ADAMTS9: variants seen among roughly 807,000 people sequenced by gnomAD.
ADAMTS9 encodes ADAM metallopeptidase with thrombospondin type 1 motif 9, also known as A disintegrin and metalloproteinase with thrombospondin motifs 9.
A neutral mutation model predicts 257.1 loss-of-function variants in ADAMTS9; 107 were observed. The ratio of observed to expected loss-of-function variants is 0.42; its 90% CI spans 0.36 to 0.49. The LOEUF (loss-of-function observed/expected upper bound fraction) is 0.49. Ranked by LOEUF, ADAMTS9 falls within the 20% of genes least tolerant of loss-of-function variation. The pLI is 0.03. For synonymous variants in ADAMTS9, 982 were observed against 880.9 expected (o/e 1.11, Z -2.03); for missense variants, 2,353 against 2,469.1 (o/e 0.95, Z 1.00).
Position 64,602,150 on chromosome 3 carries a change from G to C in ADAMTS9, c.3811C>G (p.His1271Asp). The C allele has an allele frequency of 1.9e-6, 3 of 1,614,078 alleles. No individual in the cohort carries two copies. Among genetic ancestry groups the C allele is most frequent in the Non-Finnish European group, 2.5e-6 (3 of 1,179,994 alleles). Residue 1271 changes from histidine to aspartate, a missense_variant, in exon 26 of 40, where the codon CAC (histidine) becomes GAC (aspartate). Physicochemically the swap from His to Asp is moderately conservative, Grantham distance 81. Transcript: ENST00000498707. ...RQVMCVNYSD[H>D]VIDRSECDQD... ...TCACACTCACTCCGATCGATCACGT[G>C]GTCACTGTAGTTGACACACATCACT... is the stretch of plus-strand genomic sequence containing the variant.
intron 11 of ADAMTS9, among the ~76,000 whole-genome samples, chr3:64,642,856 A>G (rs1327726376): frequency 6.6e-6 from 1 of 152,176 alleles, no homozygotes; most frequent in Non-Finnish European, 1.5e-5. Context: ...CACAGCCACC[A>G]AGAGGGGAGA....
intron 12 of ADAMTS9, among the ~76,000 whole-genome samples, chr3:64,638,863 T>C (rs1354798085): frequency 2.0e-5 from 3 of 151,700 alleles, no homozygotes; most frequent in East Asian, 3.9e-4. Context: ...ATCAGATAAA[T>C]ATTGTGAAAA....
intron 38 of ADAMTS9, among the ~76,000 whole-genome samples, chr3:64,523,378 T>C (rs953726961): frequency 1.3e-5 from 2 of 152,096 alleles, no homozygotes; most frequent in Admixed American, 1.3e-4. Context: ...TTAGACTCTA[T>C]GAAGAGTCTA....
chr3:64,609,767 A>C (rs2084631391), intron 22 of ADAMTS9, among the ~76,000 whole-genome samples: 1 of 152,216 alleles, frequency 6.6e-6, no homozygotes, highest in African/African-American at 2.4e-5. Flanking sequence ...TTTTGCAGAA[A>C]TGAAAAAGCG....
At chr3:64,545,277 T>C (rs2083182328) in intron 32 of ADAMTS9, among the ~76,000 whole-genome samples, 1 of 152,216 alleles carries the variant, frequency 6.6e-6, no homozygotes, top group African/African-American at 2.4e-5. Context: ...CAAAGGATTA[T>C]AAATCATGCT....
chr3:64,597,113 C>T, intron 26 of ADAMTS9, 122 bp from the exon 27 acceptor site: 2 of 1,344,672 alleles, frequency 1.5e-6, no homozygotes, highest in South Asian at 2.8e-5. Context: ...CCACGAAGGA[C>T]AAAAAGCAAT....
chr3:64,561,747 G>T lies in ADAMTS9; in HGVS notation c.4529C>A (p.Ser1510Tyr). 6.6e-7 allele frequency: 1 copy of T among 1,504,130 alleles called. No homozygotes were observed. The highest frequency in any genetic ancestry group is 9.0e-7 in the Non-Finnish European group (1 of 1,116,012). The allele number at this position is 1,504,130 out of a possible 1,614,324, so 93.2% of individuals were successfully genotyped here. A position where few individuals can be genotyped will look rare whatever the true frequency, so the allele number is the denominator to read the frequency against. Residue 1510 changes from serine to tyrosine, a missense_variant, in exon 30 of 40, where the codon TCT becomes TAT. Ser to Tyr is a moderately radical substitution (Grantham distance 144). Coordinates refer to ENST00000498707, the MANE Select transcript of ADAMTS9 (RefSeq NM_182920.2). ...CTGTACGCCTCGGCCACAGGACACA[G>T]AGCACTAAGAAGACAGAGAACGTAA... Reference protein sequence around the residue: ...KWKAGAWSQCSVSCGRGVQQR... With the variant: ...KWKAGAWSQCYVSCGRGVQQR...
chr3:64,550,885 A>T lies in ADAMTS9; in HGVS notation c.4869+7T>A. On this transcript the variant is annotated splice_region_variant and intron_variant, in intron 31 of 39. Coordinates refer to ENST00000498707, the MANE Select transcript of ADAMTS9 (RefSeq NM_182920.2). ...GCTGACGATGGTTACAGTTCCCAGG[A>T]CGGTACCTCTGACCATTCTCCTGTG... 1 of 1,614,000 alleles carries T rather than the reference A, an allele frequency of 6.2e-7. No individual in the cohort carries two copies. The highest frequency in any genetic ancestry group is 8.5e-7 in the Non-Finnish European group (1 of 1,179,958).
At chr3:64,575,061 T>C (rs1242549300) in intron 28 of ADAMTS9, among the ~76,000 whole-genome samples, 2 of 152,194 alleles carry the variant, frequency 1.3e-5, no homozygotes, top group Non-Finnish European at 2.9e-5. Context: ...GCTACCCTAC[T>C]TTTCTCTTGG....
At chr3:64,530,071 G>A (rs531507219) in intron 38 of ADAMTS9, among the ~76,000 whole-genome samples, 66 of 133,072 alleles carry the variant, frequency 5.0e-4, no homozygotes, top group African/African-American at 1.8e-3. Context: ...CAATCCTCCT[G>A]CCTCAGCCTT....
intron 28 of ADAMTS9, among the ~76,000 whole-genome samples, chr3:64,586,495 A>G (rs186990963): frequency 6.6e-6 from 1 of 152,278 alleles, no homozygotes; most frequent in East Asian, 1.9e-4. Context: ...AGCATAGTAG[A>G]TTAATCAGTG....
At chr3:64,581,531 G>A (rs1050739526) in intron 28 of ADAMTS9, among the ~76,000 whole-genome samples, 1 of 152,094 alleles carries the variant, frequency 6.6e-6, no homozygotes, top group Non-Finnish European at 1.5e-5. Flanking sequence ...CCCAAAGTGA[G>A]TCACCATGCC....
chr3:64,592,342 T>G (rs898259010), intron 28 of ADAMTS9: 6 of 152,222 alleles, frequency 3.9e-5, no homozygotes, highest in African/African-American at 1.4e-4. Context: ...TTATAATTTC[T>G]TTCTCTCTCT....
chr3:64,567,231 C>T (rs372097660), intron 29 of ADAMTS9, among the ~76,000 whole-genome samples: 1 of 152,072 alleles, frequency 6.6e-6, no homozygotes, highest in Non-Finnish European at 1.5e-5. Flanking sequence ...TACGCTATGA[C>T]CAAAGCTGCT....
intron 32 of ADAMTS9, among the ~76,000 whole-genome samples, chr3:64,545,631 A>AT (rs1244141872): frequency 6.6e-6 from 1 of 152,290 alleles, no homozygotes; most frequent in East Asian, 1.9e-4. Context: ...AGGGGGACGG[A>AT]TAGCATTAGG....
chr3:64,536,675 A>G (rs924121162), intron 37 of ADAMTS9, among the ~76,000 whole-genome samples: 2 of 152,160 alleles, frequency 1.3e-5, no homozygotes, highest in African/African-American at 4.8e-5. Flanking sequence ...CTCCTCTTTA[A>G]AAAGGAGGCA....
chr3:64,539,378 C>T (rs1285193501), intron 36 of ADAMTS9, 84 bp from the exon 37 acceptor site: 3 of 1,140,262 alleles, frequency 2.6e-6, no homozygotes, highest in African/African-American at 3.1e-5. Context: ...AACAAGGAGA[C>T]AGAAGGGAAG....
At chr3:64,647,533 C>T (rs568426142) in intron 11 of ADAMTS9, among the ~76,000 whole-genome samples, 1 of 152,322 alleles carries the variant, frequency 6.6e-6, no homozygotes, top group Non-Finnish European at 1.5e-5. Flanking sequence ...AATAGATGTA[C>T]TATATTTCTA....
rs200432487 is a variant in ADAMTS9, at chr3:64,606,978, A to G, written c.3456T>C (p.Thr1152=). The G allele has an allele frequency of 1.9e-5, 30 of 1,613,868 alleles. No homozygotes were observed. The East Asian group carries it at 6.7e-4, about 36-fold the overall frequency. The change falls in exon 23 of 40, where the codon ACT becomes ACC. Residue 1152 remains threonine, a synonymous_variant. Coordinates refer to ENST00000498707, the MANE Select transcript of ADAMTS9 (RefSeq NM_182920.2). Reference sequence around the variant, plus strand: ...AACTTACCTGGGTATCAGTTGGTCTAGTTGCTGCATTACAGTCATTGTCAT... The same window carrying G: ...AACTTACCTGGGTATCAGTTGGTCTGGTTGCTGCATTACAGTCATTGTCAT... ...VVDDNDCNAA[T]RPTDTQDCEL... is the part of the protein sequence containing the mutation.
Sources: allele counts gnomAD v4.1 joint callset (sites outside exome capture counted in the v4.1 genomes callset), GRCh38; gene constraint gnomAD v4.1.1; transcripts MANE v1.5; gene names NCBI Gene and HGNC (gene_info 2026-07-23, HGNC 2026-07-21).